The following FHOD3 variants were observed in gnomAD, a reference collection of about 807,000 sequenced individuals.
FHOD3 encodes formin homology 2 domain containing 3, also known as FH1/FH2 domain-containing protein 3.
In FHOD3, 90 loss-of-function variants were observed where a neutral mutation model predicts 173.0. The observed-to-expected ratio is 0.52, with a 90% CI of 0.44 to 0.62. The LOEUF (loss-of-function observed/expected upper bound fraction) is 0.62, where lower values mean the gene tolerates loss of function less well. FHOD3 is among the 20% of genes least tolerant of loss of function. FHOD3 has a pLI of 0.00. For synonymous variants in FHOD3, 828 were observed against 823.0 expected (o/e 1.01, Z -0.10); for missense variants, 1,945 against 2,034.7 (o/e 0.96, Z 0.85).
At chr18:36,742,615 C>T (rs1263753566) in intron 21 of FHOD3, 122 bp from the exon 22 acceptor site, 19 of 1,085,140 alleles carry the variant, frequency 1.8e-5, no homozygotes, top group African/African-American at 3.2e-5. Context: ...CAATGCCCAT[C>T]GCGGGGGATT....
At chr18:36,512,568 A>T in intron 5 of FHOD3, 25 bp downstream of exon 5, 1 of 1,483,928 alleles carries the variant, frequency 6.7e-7, no homozygotes. Context: ...GGCATGCAGC[A>T]GCTGCCCCAG....
intron 2 of FHOD3, 71 bp from the exon 3 acceptor site, chr18:36,372,609 G>A (rs1397276180): frequency 9.8e-6 from 13 of 1,326,746 alleles, no homozygotes; most frequent in Middle Eastern, 1.8e-4. Context: ...GAACCTTCAC[G>A]TGGATTGACA....
intron 3 of FHOD3, among the ~76,000 whole-genome samples, chr18:36,422,508 G>A (rs981291437): frequency 2.0e-5 from 3 of 152,106 alleles, no homozygotes; most frequent in Admixed American, 2.0e-4. Flanking sequence ...CCTGGAGGTG[G>A]GATTGCTGGG....
intron 3 of FHOD3, among the ~76,000 whole-genome samples, chr18:36,457,287 T>C (rs2144584858): frequency 6.6e-6 from 1 of 152,236 alleles, no homozygotes; most frequent in East Asian, 1.9e-4. Flanking sequence ...TTAATAAATG[T>C]AATATGCTGA....
intron 19 of FHOD3, among the ~76,000 whole-genome samples, chr18:36,725,387 G>T (rs1258711944): frequency 1.3e-5 from 2 of 152,192 alleles, no homozygotes; most frequent in Non-Finnish European, 2.9e-5. Context: ...AGGCACTCAG[G>T]AATTACCTGT....
intron 17 of FHOD3, among the ~76,000 whole-genome samples, chr18:36,702,171 T>G (rs981785810): frequency 6.6e-6 from 1 of 152,208 alleles, no homozygotes; most frequent in African/African-American, 2.4e-5. Flanking sequence ...CATTTGGCAG[T>G]GTCTGGAGAC....
chr18:36,718,497 T>C lies in FHOD3; in HGVS notation c.3199T>C (p.Leu1067=), dbSNP rs373928167. 1 of 1,613,828 alleles carries C rather than the reference T, an allele frequency of 6.2e-7. No homozygotes were observed. Among genetic ancestry groups the C allele is most frequent in the South Asian group, 1.1e-5 (1 of 91,062 alleles). ...PPPVFNAPQG[L]GWSQVPRGQP... ...TCCAGTGTTCAACGCTCCTCAGGGC[T>C]TAGGGTGGTCCCAGGTACCCAGGGG... is the stretch of plus-strand genomic sequence containing the variant. Residue 1067 remains leucine, a synonymous_variant, in exon 19 of 29, where the codon TTA becomes CTA. Transcript: ENST00000590592.
At chr18:36,674,378 A>C (rs942544476) in intron 14 of FHOD3, among the ~76,000 whole-genome samples, 1 of 152,048 alleles carries the variant, frequency 6.6e-6, no homozygotes, top group Admixed American at 6.5e-5. Context: ...TCTTTTAAAA[A>C]TTTATTTTTA....
intron 27 of FHOD3, among the ~76,000 whole-genome samples, chr18:36,767,880 C>A (rs1353660271): frequency 6.6e-6 from 1 of 152,020 alleles, no homozygotes; most frequent in Non-Finnish European, 1.5e-5. Context: ...TCCACTGTTC[C>A]CAACCATTTC....
intron 5 of FHOD3, among the ~76,000 whole-genome samples, chr18:36,568,825 C>T (rs1057028638): frequency 1.3e-5 from 2 of 152,000 alleles, no homozygotes; most frequent in Admixed American, 6.6e-5. Context: ...TTACTTGGCG[C>T]GCAATGAACT....
chr18:36,355,011 T>A (rs968908435), intron 1 of FHOD3, among the ~76,000 whole-genome samples: 13 of 152,128 alleles, frequency 8.5e-5, no homozygotes, highest in African/African-American at 3.1e-4. Context: ...TTTGGGTATA[T>A]TGCCATTCAG....
At chr18:36,427,030 G>A (rs546111843) in intron 3 of FHOD3, among the ~76,000 whole-genome samples, 5 of 152,298 alleles carry the variant, frequency 3.3e-5, no homozygotes, top group African/African-American at 9.6e-5. Context: ...CACACATTGA[G>A]TCGAGGTGTG....
At chr18:36,463,433 TA>T (rs1431002980) in intron 3 of FHOD3, among the ~76,000 whole-genome samples, 1 of 94,734 alleles carries the variant, frequency 1.1e-5, no homozygotes. Context: ...TATTTTTATT[TA>T]AAAAATATAT....
chr18:36,695,138 T>C (rs1238806461), intron 17 of FHOD3, among the ~76,000 whole-genome samples: 2 of 150,632 alleles, frequency 1.3e-5, no homozygotes, highest in African/African-American at 2.4e-5. Flanking sequence ...AGGTCGGGAG[T>C]TCAAGACCGG....
intron 2 of FHOD3, among the ~76,000 whole-genome samples, chr18:36,356,417 A>G (rs1466057880): frequency 6.6e-6 from 1 of 152,222 alleles, no homozygotes; most frequent in African/African-American, 2.4e-5. Context: ...GAATATACCC[A>G]TATCAGCAGC....
At chr18:36,620,420 G>C (rs2033611017) in intron 9 of FHOD3, among the ~76,000 whole-genome samples, 1 of 152,138 alleles carries the variant, frequency 6.6e-6, no homozygotes, top group African/African-American at 2.4e-5. Flanking sequence ...AGATGGAAGG[G>C]GCTCCTTCTG....
chr18:36,648,901 ACT>A (rs1163619604), intron 10 of FHOD3, among the ~76,000 whole-genome samples: 13 of 152,038 alleles, frequency 8.6e-5, no homozygotes, highest in Admixed American at 8.5e-4. Context: ...AGATGTGAGG[ACT>A]CTGGTTGCTG....
chr18:36,662,730 G>A (rs1208631091), intron 14 of FHOD3, among the ~76,000 whole-genome samples: 2 of 152,134 alleles, frequency 1.3e-5, no homozygotes, highest in Non-Finnish European at 2.9e-5. Flanking sequence ...CTTAACATGA[G>A]ATCTACCCTC....
intron 5 of FHOD3, among the ~76,000 whole-genome samples, chr18:36,543,273 C>T (rs2057294685): frequency 6.6e-6 from 1 of 151,914 alleles, no homozygotes; most frequent in Non-Finnish European, 1.5e-5. Context: ...ATATGTATGT[C>T]AATATACTTT....
Sources: gnomAD v4.1 joint callset for allele counts (sites outside exome capture counted in the v4.1 genomes callset) on GRCh38, gnomAD v4.1.1 for gene constraint, MANE v1.5 for transcripts, NCBI Gene and HGNC (gene_info 2026-07-23, HGNC 2026-07-21) for gene names.